Variants in RNPEP observed in about 807,000 individuals in gnomAD.
RNPEP encodes the protein aminopeptidase B.
In RNPEP, 57 loss-of-function variants were observed where a neutral mutation model predicts 70.1. The observed-to-expected ratio is 0.81, with a 90% CI of 0.66 to 1.01. The LOEUF (loss-of-function observed/expected upper bound fraction) is 1.01, where lower values mean the gene tolerates loss of function less well. Ranked by LOEUF, RNPEP falls within the 50% of genes least tolerant of loss-of-function variation. The probability of loss-of-function intolerance (pLI) is 0.00; values close to 1 mark genes in which losing one functional copy is unlikely to be tolerated. For synonymous variants in RNPEP, 335 were observed against 357.4 expected (o/e 0.94, Z 0.71); for missense variants, 787 against 852.4 (o/e 0.92, Z 0.96).
rs547444994 is a variant in RNPEP at position 201,997,056 on chromosome 1, G to A, written c.855-263G>A. 2.6e-5 allele frequency among the ~76,000 whole-genome samples: 4 copies of A among 152,230 alleles called. No homozygotes were observed. In the East Asian group the frequency reaches 5.8e-4, roughly 22 times the overall value. On this transcript the variant is annotated intron_variant, in intron 4 of 10. Transcript: ENST00000295640. Reference sequence around the variant, plus strand: ...TATCACCTCCACCCCTGCTTGGAAGGAGAGAGGGAAACAAATGCCTGGAGA... The same window carrying A: ...TATCACCTCCACCCCTGCTTGGAAGAAGAGAGGGAAACAAATGCCTGGAGA...
Position 201,988,141 on chromosome 1 carries a change from GA to G in RNPEP, c.448-751del, listed in dbSNP as rs113735802. On this transcript the variant is annotated intron_variant, in intron 1 of 10. Coordinates refer to ENST00000295640, the MANE Select transcript of RNPEP (RefSeq NM_020216.4). ...GGCGACAAGAGTGAAACTCTATCTCGAAAAAAAAAAAAGAAAAGAAAAGAGA... is the reference window on the plus strand; with the variant it reads ...GGCGACAAGAGTGAAACTCTATCTCGAAAAAAAAAAAGAAAAGAAAAGAGA... 3.1e-3 allele frequency among the ~76,000 whole-genome samples: 377 copies of G among 120,162 alleles called. 2 individuals carry two copies. The highest frequency in any genetic ancestry group is 4.1e-3 in the Non-Finnish European group (231 of 56,666). 78.8% of individuals were successfully genotyped at this position (120,162 alleles called of 152,430 possible).
chr1:201,984,460 G>T (rs1440414688), intron 1 of RNPEP, among the ~76,000 whole-genome samples: 4 of 152,184 alleles, frequency 2.6e-5, no homozygotes, highest in Admixed American at 2.6e-4. Context: ...AGTGAGCAGA[G>T]TAGTGGCTTT....
At position 201,996,211 on chromosome 1, in the gene RNPEP, G is replaced by A. The variant is rs1683543343; in HGVS notation, c.802G>A (p.Glu268Lys). 1.2e-6 allele frequency: 2 copies of A among 1,614,208 alleles called. No homozygotes were observed. Among genetic ancestry groups the A allele is most frequent in the Non-Finnish European group, 1.7e-6 (2 of 1,180,024 alleles). The stretch of plus-strand genomic sequence containing the variant: ...CAAGGAGGAGTACAACGGGGTGATA[G>A]AAGAATTTTTGGCAACAGGAGAGAA... Reference protein sequence around the residue: ...AAKEEYNGVIEEFLATGEKLF... With the variant: ...AAKEEYNGVIKEFLATGEKLF... The change falls in exon 4 of 11, where the codon GAA (glutamate) becomes AAA (lysine). Residue 268 changes from glutamate to lysine, a missense_variant. Coordinates refer to ENST00000295640, the MANE Select transcript of RNPEP (RefSeq NM_020216.4).
chr1:202,003,127 A>G (rs1683898924), intron 8 of RNPEP, 110 bp from the exon 9 acceptor site: 1 of 702,522 alleles, frequency 1.4e-6, no homozygotes, highest in Non-Finnish European at 2.4e-6. Flanking sequence ...TGCTGGGGAA[A>G]GAGTTTGGGA....
Position 202,003,222 on chromosome 1 carries a change from T to A in RNPEP, c.1427-15T>A. 1 of 1,598,580 alleles carries A rather than the reference T, an allele frequency of 6.3e-7. No homozygotes were observed. The highest frequency in any genetic ancestry group is 8.6e-7 in the Non-Finnish European group (1 of 1,168,694). ...GCCAGAGAATTCTGATAGTGTCTTC[T>A]CTCCTCCCAAACAGGTTTTGAGTTT... On this transcript the variant is annotated splice_polypyrimidine_tract_variant and intron_variant, in intron 8 of 10. Transcript: ENST00000295640.
intron 3 of RNPEP, among the ~76,000 whole-genome samples, chr1:201,990,877 C>T (rs1308789775): frequency 6.6e-6 from 1 of 152,124 alleles, no homozygotes; most frequent in Non-Finnish European, 1.5e-5. Flanking sequence ...TCCAAGAATA[C>T]CCTTACTAAG....
At chr1:202,002,362 A>G (rs1683860484) in intron 8 of RNPEP, among the ~76,000 whole-genome samples, 1 of 151,914 alleles carries the variant, frequency 6.6e-6, no homozygotes, top group South Asian at 2.1e-4. Flanking sequence ...GGGTTTCTCC[A>G]TGTTGGTCAG....
Position 201,989,549 on chromosome 1 carries a change from C to T in RNPEP, c.737+18C>T. On this transcript the variant is annotated intron_variant, in intron 3 of 10. Transcript: ENST00000295640. ...GGACCCAGGTAGGAGACAAAGACCC[C>T]ACAGGCAAGGTTGGATTGGCCTCAG... The T allele has an allele frequency of 6.2e-7, 1 of 1,613,886 alleles. No homozygotes were observed. Among genetic ancestry groups the T allele is most frequent in the Non-Finnish European group, 8.5e-7 (1 of 1,179,888 alleles).
chr1:201,988,849 C>T, intron 1 of RNPEP, 55 bp from the exon 2 acceptor site: 1 of 1,553,540 alleles, frequency 6.4e-7, no homozygotes, highest in South Asian at 1.2e-5. Context: ...CTTCTCTGGC[C>T]AGACTGAGCT....
intron 3 of RNPEP, among the ~76,000 whole-genome samples, chr1:201,993,778 CAACAAACA>C (rs1004126257): frequency 6.6e-6 from 1 of 152,104 alleles, no homozygotes; most frequent in Non-Finnish European, 1.5e-5. Context: ...GACTCCGTCT[CAACAAACA>C]AACAAACAAC....
chr1:201,982,924 G>T lies in RNPEP; in HGVS notation c.258G>T (p.Leu86=), dbSNP rs1682990313. ...TGCGGCTGGACTCGCACCCGTGCCTGGAGGTGACGGCGGCGGCGCTGCGGC... is the reference window on the plus strand; with the variant it reads ...TGCGGCTGGACTCGCACCCGTGCCTTGAGGTGACGGCGGCGGCGCTGCGGC... The part of the protein sequence containing the change: ...AELRLDSHPC[L]EVTAAALRRE... The change falls in exon 1 of 11, where the codon CTG becomes CTT. Residue 86 remains leucine, a synonymous_variant. Coordinates refer to ENST00000295640, the MANE Select transcript of RNPEP (RefSeq NM_020216.4). The T allele has an allele frequency of 6.7e-7, 1 of 1,486,108 alleles. No individual in the cohort carries two copies. The highest frequency in any genetic ancestry group is 2.4e-5 in the Admixed American group (1 of 41,148). 92.1% of individuals were successfully genotyped at this position (1,486,108 alleles called of 1,614,324 possible). A position where few individuals can be genotyped will look rare whatever the true frequency, so the allele number is the denominator to read the frequency against.
At chr1:201,990,203 C>T (rs1182209864) in intron 3 of RNPEP, among the ~76,000 whole-genome samples, 1 of 152,150 alleles carries the variant, frequency 6.6e-6, no homozygotes, top group African/African-American at 2.4e-5. Context: ...GCAGCTATAT[C>T]CACTTTCCTA....
chr1:201,984,821 C>CTTTTTTCTTTTT (rs1558257963), intron 1 of RNPEP, among the ~76,000 whole-genome samples: 1 of 121,998 alleles, frequency 8.2e-6, no homozygotes, highest in African/African-American at 3.2e-5. Flanking sequence ...GTATTTCTTT[C>CTTTTTTCTTTTT]TTTTTTTTTT....
At chr1:201,983,527 A>G (rs1374966442) in intron 1 of RNPEP, 1 of 1,321,666 alleles carries the variant, frequency 7.6e-7, no homozygotes, top group Non-Finnish European at 1.0e-6. Flanking sequence ...GTACCTGATT[A>G]TCAGCCACCT....
chr1:202,001,232 T>C, intron 6 of RNPEP, 144 bp from the exon 7 acceptor site: 1 of 631,078 alleles, frequency 1.6e-6, no homozygotes, highest in East Asian at 2.7e-5. Context: ...GGCCAGGATC[T>C]GGACACCTTC....
rs888064292 is a variant in RNPEP at position 202,005,806 on chromosome 1, C to T, written c.*90C>T. On this transcript the variant is annotated 3_prime_UTR_variant, in exon 11 of 11. Coordinates refer to ENST00000295640, the MANE Select transcript of RNPEP (RefSeq NM_020216.4). ...CAAATTCCTGTTCCCTGATCAACTT[C>T]CTGGAGTTTATATCCCCTCAGGATA... is the stretch of plus-strand genomic sequence containing the variant. The T allele has an allele frequency of 3.4e-6, 5 of 1,452,396 alleles. No individual in the cohort carries two copies. Among genetic ancestry groups the T allele is most frequent in the South Asian group, 1.2e-5 (1 of 84,044 alleles). 90.0% of individuals were successfully genotyped at this position (1,452,396 alleles called of 1,614,324 possible).
rs781232555 is a variant in RNPEP at position 201,983,133 on chromosome 1, C to T, written c.447+20C>T. 15 of 1,433,578 alleles carry T rather than the reference C, an allele frequency of 1.0e-5. No individual in the cohort carries two copies. The highest frequency in any genetic ancestry group is 8.8e-5 in the African/African-American group (6 of 67,994). The allele number at this position is 1,433,578 out of a possible 1,614,324, so 88.8% of individuals were successfully genotyped here. A position where few individuals can be genotyped will look rare whatever the true frequency, so the allele number is the denominator to read the frequency against. ...CCCGGGGTGAGTGCGCCCCAGACTG[C>T]GCCCGCCGCTGCCTGCCTGCCCTTC... is the stretch of plus-strand genomic sequence containing the variant. On this transcript the variant is annotated intron_variant, in intron 1 of 10. Transcript: ENST00000295640.
chr1:201,994,812 A>C (rs1035676605), intron 3 of RNPEP, among the ~76,000 whole-genome samples: 1 of 145,218 alleles, frequency 6.9e-6, no homozygotes, highest in Non-Finnish European at 1.5e-5. Flanking sequence ...GATTACAGGC[A>C]TACACTACCA....
rs1683790796 is a variant in RNPEP, at chr1:202,001,229, A to T, written c.1205-147A>T. 6 of 627,382 alleles carry T rather than the reference A, an allele frequency of 9.6e-6. No individual in the cohort carries two copies. The Admixed American group carries it at 1.4e-4, about 15-fold the overall frequency. The allele number at this position is 627,382 out of a possible 1,614,324, so 38.9% of individuals were successfully genotyped here. A position where few individuals can be genotyped will look rare whatever the true frequency, so the allele number is the denominator to read the frequency against. On this transcript the variant is annotated intron_variant, in intron 6 of 10. Transcript: ENST00000295640. The stretch of plus-strand genomic sequence containing the variant: ...GTCCAAGATCTGGAGAGAGGCCAGG[A>T]TCTGGACACCTTCTTGGCCTTGCTG...
Sources: gnomAD v4.1 joint callset for allele counts (sites outside exome capture counted in the v4.1 genomes callset) on GRCh38, gnomAD v4.1.1 for gene constraint, MANE v1.5 for transcripts, NCBI Gene and HGNC (gene_info 2026-07-23, HGNC 2026-07-21) for gene names.